The following NUP107 variants were observed in gnomAD, a reference collection of about 807,000 sequenced individuals.
NUP107 encodes nuclear pore complex protein Nup107.
Under a neutral mutation model 141.0 loss-of-function variants are expected in NUP107, and 101 were observed. The ratio of observed to expected loss-of-function variants is 0.72; its 90% CI spans 0.61 to 0.84. The LOEUF is 0.84. Ranked by LOEUF, NUP107 falls within the 40% of genes least tolerant of loss-of-function variation. The pLI, the probability that NUP107 is intolerant of heterozygous loss-of-function variation, is 0.00. For missense variants in NUP107, 941 were observed against 1,102.7 expected, an observed-to-expected ratio of 0.85 and a Z score of 2.08; for synonymous variants, 319 against 363.9, an observed-to-expected ratio of 0.88 and a Z score of 1.41.
At chr12:68,697,566 A>G in intron 6 of NUP107, among the ~76,000 whole-genome samples, 1 of 152,138 alleles carries the variant, frequency 6.6e-6, no homozygotes, top group South Asian at 2.1e-4. Flanking sequence ...GCAAACCACC[A>G]TGGCACACCT....
chr12:68,736,796 C>T (rs564794814), intron 26 of NUP107, among the ~76,000 whole-genome samples: 19 of 147,630 alleles, frequency 1.3e-4, no homozygotes, highest in Non-Finnish European at 2.5e-4. Context: ...AATCTTGGCT[C>T]GCCTCCCAGA....
In NUP107 at chr12:68,687,079, T is replaced by C; in HGVS notation, c.8+6T>C. The C allele has an allele frequency of 1.2e-6, 2 of 1,614,168 alleles. No homozygotes were observed. The highest frequency in any genetic ancestry group is 1.7e-6 in the Non-Finnish European group (2 of 1,180,002). On this transcript the variant is annotated splice_donor_region_variant and intron_variant, in intron 1 of 27. Transcript: ENST00000229179. ...AAGGCTTTAGCCATGGACAGGTCAG[T>C]ACTGATGGTGGCAGCTGAGCCCGAA...
chr12:68,700,737 G>A lies in NUP107; in HGVS notation c.564G>A (p.Leu188=). Reference sequence around the variant, plus strand: ...TGTTTTTTATTCAGGTGAATATACTGAGTAAAATAGTGAGTCGAGCAACAC... The same window carrying A: ...TGTTTTTTATTCAGGTGAATATACTAAGTAAAATAGTGAGTCGAGCAACAC... The part of the protein sequence containing the change: ...ENICGSQVNI[L]SKIVSRATPG... Residue 188 remains leucine (L), a synonymous_variant, in exon 7 of 28, where the codon CTG becomes CTA. Transcript: ENST00000229179. 2 of 1,604,554 alleles carry A rather than the reference G, an allele frequency of 1.2e-6. No individual in the cohort carries two copies. Among genetic ancestry groups the A allele is most frequent in the Non-Finnish European group, 1.7e-6 (2 of 1,177,546 alleles).
At chr12:68,717,785 C>A (rs1469627625) in intron 12 of NUP107, among the ~76,000 whole-genome samples, 1 of 152,074 alleles carries the variant, frequency 6.6e-6, no homozygotes, top group East Asian at 1.9e-4. Context: ...ATAATGTTTT[C>A]AACATTCTAT....
intron 6 of NUP107, 50 bp from the exon 7 acceptor site, chr12:68,700,676 A>C: frequency 7.3e-7 from 1 of 1,367,648 alleles, no homozygotes; most frequent in Non-Finnish European, 9.8e-7. Flanking sequence ...CTTATCAGTG[A>C]CTCAAAATTG....
intron 26 of NUP107, among the ~76,000 whole-genome samples, chr12:68,739,261 G>A (rs1878215410): frequency 6.6e-6 from 1 of 152,090 alleles, no homozygotes; most frequent in Non-Finnish European, 1.5e-5. Flanking sequence ...ATAGCACTTA[G>A]CACAATCTGA....
intron 10 of NUP107, 51 bp from the exon 11 acceptor site, chr12:68,713,679 G>A: frequency 8.3e-7 from 1 of 1,208,178 alleles, no homozygotes; most frequent in Non-Finnish European, 1.2e-6. Flanking sequence ...TTTAAAAATA[G>A]ACCTATTAAA....
chr12:68,689,108 T>G, intron 2 of NUP107, 55 bp downstream of exon 2: 2 of 1,409,646 alleles, frequency 1.4e-6, no homozygotes. Context: ...TTGGAATCAG[T>G]GTTGTAGAAT....
chr12:68,694,915 GAGAA>G (rs1875979769), intron 5 of NUP107, among the ~76,000 whole-genome samples: 1 of 151,988 alleles, frequency 6.6e-6, no homozygotes, highest in Non-Finnish European at 1.5e-5. Context: ...AAAAGAAAGA[GAGAA>G]AGAAAGAAAT....
At chr12:68,688,465 C>A (rs1406253492) in intron 1 of NUP107, among the ~76,000 whole-genome samples, 3 of 152,168 alleles carry the variant, frequency 2.0e-5, no homozygotes, top group African/African-American at 7.2e-5. Context: ...CTTTTACTTA[C>A]CCTTCTATCT....
chr12:68,714,418 T>C (rs1877010573), intron 11 of NUP107: 1 of 152,216 alleles, frequency 6.6e-6, no homozygotes, highest in South Asian at 2.1e-4. Flanking sequence ...ATAGCTAAAT[T>C]ACATTGTAGC....
intron 7 of NUP107, among the ~76,000 whole-genome samples, chr12:68,701,662 G>C (rs1876336509): frequency 6.6e-6 from 1 of 151,712 alleles, no homozygotes; most frequent in South Asian, 2.1e-4. Flanking sequence ...CTGGGTGACA[G>C]AGTGAGACTC....
intron 8 of NUP107, chr12:68,706,103 G>A (rs1454535388): frequency 1.3e-5 from 10 of 770,688 alleles, no homozygotes; most frequent in Non-Finnish European, 2.1e-5. Flanking sequence ...TCTGGGCCAA[G>A]AGAAGCTGAA....
chr12:68,692,129 C>A lies in NUP107; in HGVS notation c.448+17C>A. The A allele has an allele frequency of 6.4e-7, 1 of 1,557,270 alleles. No homozygotes were observed. The highest frequency in any genetic ancestry group is 8.7e-7 in the Non-Finnish European group (1 of 1,154,686). On this transcript the variant is annotated intron_variant, in intron 5 of 27. Coordinates refer to ENST00000229179, the MANE Select transcript of NUP107 (RefSeq NM_020401.4). ...GAGAAGCTGGTAAAATGGCATTGAG[C>A]TTTGTGACAAGTAGCTTTTCACTTT...
chr12:68,687,722 A>T (rs1380687569), intron 1 of NUP107: 1 of 828,570 alleles, frequency 1.2e-6, no homozygotes, highest in Non-Finnish European at 1.5e-6. Flanking sequence ...TTGAGTACCT[A>T]CTATGTGACT....
chr12:68,740,434 A>G (rs1195228728), intron 26 of NUP107, among the ~76,000 whole-genome samples: 4 of 152,202 alleles, frequency 2.6e-5, no homozygotes, highest in African/African-American at 9.7e-5. Flanking sequence ...TTATGTATTT[A>G]TGCTTCAAAC....
intron 20 of NUP107, among the ~76,000 whole-genome samples, chr12:68,730,752 C>T (rs754465655): frequency 7.2e-5 from 11 of 152,080 alleles, no homozygotes; most frequent in Non-Finnish European, 1.6e-4. Context: ...ATCACTTGAG[C>T]CCAGGAGTTT....
intron 22 of NUP107, 25 bp from the exon 23 acceptor site, chr12:68,732,612 T>G: frequency 2.1e-6 from 3 of 1,459,984 alleles, no homozygotes; most frequent in Non-Finnish European, 2.8e-6. Flanking sequence ...TATTCCTTTT[T>G]CTTTTTTTCC....
At chr12:68,690,597 C>G (rs750333346) in intron 3 of NUP107, 34 bp from the exon 4 acceptor site, 4 of 1,613,786 alleles carry the variant, frequency 2.5e-6, no homozygotes, top group Non-Finnish European at 3.4e-6. Context: ...TGCTCACGCA[C>G]TTTAGGTTCT....
Sources: allele counts gnomAD v4.1 joint callset (sites outside exome capture counted in the v4.1 genomes callset), GRCh38; gene constraint gnomAD v4.1.1; transcripts MANE v1.5; gene names NCBI Gene and HGNC (gene_info 2026-07-23, HGNC 2026-07-21).